TBRG4: variants seen among roughly 807,000 people sequenced by gnomAD.
TBRG4 encodes the protein transforming growth factor beta regulator 4, also known as FAST kinase domain-containing protein 4.
In TBRG4, 43 loss-of-function variants were observed where a neutral mutation model predicts 65.6. That is an observed-to-expected ratio of 0.66 (90% CI 0.51 to 0.85). TBRG4 has a LOEUF of 0.85. Among genes scored for constraint, TBRG4 ranks in the 40% least tolerant of loss-of-function variants. The probability of loss-of-function intolerance (pLI) is 0.00; values close to 1 mark genes in which losing one functional copy is unlikely to be tolerated. For missense variants in TBRG4, 709 were observed against 787.9 expected, an observed-to-expected ratio of 0.90 and a Z score of 1.20; for synonymous variants, 366 against 341.4, an observed-to-expected ratio of 1.07 and a Z score of -0.79.
At position 45,109,254 on chromosome 7, in the gene TBRG4, GAGAGACA is replaced by G; in HGVS notation, c.-24_-18del. 1 of 1,558,298 alleles carries G rather than the reference GAGAGACA, an allele frequency of 6.4e-7. No individual in the cohort carries two copies. Among genetic ancestry groups the G allele is most frequent in the Non-Finnish European group, 8.7e-7 (1 of 1,154,046 alleles). ...AGCTGCCATGATGTCCTGGGTGGCA[GAGAGACA>G]AGACTCCTAGCAAGTGATTCCAAAC... On this transcript the variant is annotated 5_prime_UTR_variant, in exon 2 of 11. Transcript: ENST00000258770.
At chr7:45,110,875 C>G (rs1262595090) in intron 1 of TBRG4, 2 of 151,908 alleles carry the variant, frequency 1.3e-5, no homozygotes, top group Non-Finnish European at 2.9e-5. Flanking sequence ...TAGTCTAACT[C>G]CACTTAAAGA....
chr7:45,100,290 G>C lies in TBRG4; in HGVS notation c.*35C>G, dbSNP rs1480310856. ...TTGGCCGCCCACAGCTAGACCTCCG[G>C]CGGAGAGGCACGCAGTCCATGCTGC... On this transcript the variant is annotated 3_prime_UTR_variant, in exon 11 of 11. Transcript: ENST00000258770. 2.5e-6 allele frequency: 4 copies of C among 1,587,292 alleles called. No individual in the cohort carries two copies. Among genetic ancestry groups the C allele is most frequent in the Non-Finnish European group, 3.5e-6 (4 of 1,158,288 alleles).
At chr7:45,103,761 T>C (rs1784845106) in intron 5 of TBRG4, 1 of 514,802 alleles carries the variant, frequency 1.9e-6, no homozygotes, top group Non-Finnish European at 3.5e-6. Context: ...GGTGTCATCT[T>C]TCTGTACAGT....
rs772794358 is a variant in TBRG4 at position 45,109,097 on chromosome 7, A to T, written c.141T>A (p.Ile47=). Reference sequence around the variant, plus strand: ...CCATCAAGGAACCTGGGAGGTGGGAAATGGGTGAGGTGGCTGAGGAAGTCA... The same window carrying T: ...CCATCAAGGAACCTGGGAGGTGGGATATGGGTGAGGTGGCTGAGGAAGTCA... The part of the protein sequence containing the change: ...KTLTSSATSP[I]SHLPGSLMEP... Residue 47 remains isoleucine (I), a synonymous_variant, in exon 2 of 11, where the codon ATT becomes ATA. Coordinates refer to ENST00000258770, the MANE Select transcript of TBRG4 (RefSeq NM_004749.4). 1 of 1,614,136 alleles carries T rather than the reference A, an allele frequency of 6.2e-7. No homozygotes were observed. The highest frequency in any genetic ancestry group is 1.1e-5 in the South Asian group (1 of 91,082).
At chr7:45,109,355 G>C (rs1231527647) in intron 1 of TBRG4, 68 bp from the exon 2 acceptor site, 2 of 1,310,966 alleles carry the variant, frequency 1.5e-6, no homozygotes, top group Non-Finnish European at 2.0e-6. Flanking sequence ...CTTGAGAAAT[G>C]AAATAGTCAA....
At chr7:45,100,743 G>A (rs1444457849) in intron 10 of TBRG4, among the ~76,000 whole-genome samples, 1 of 152,236 alleles carries the variant, frequency 6.6e-6, no homozygotes, top group Non-Finnish European at 1.5e-5. Context: ...GAACCCTTGT[G>A]TGGCTCATGA....
rs183316530 is a variant in TBRG4 at position 45,110,064 on chromosome 7, T to G, written c.-50-777A>C. On this transcript the variant is annotated intron_variant, in intron 1 of 10. Transcript: ENST00000258770. Reference sequence around the variant, plus strand: ...AGGTGTGAGCCTCTCGAAACCAAGGTAGATTACATCACTAGCCTACTAAAA... The same window carrying G: ...AGGTGTGAGCCTCTCGAAACCAAGGGAGATTACATCACTAGCCTACTAAAA... 8.6e-4 allele frequency among the ~76,000 whole-genome samples: 130 copies of G among 151,626 alleles called. 1 individual carries two copies. In the Middle Eastern group the frequency reaches 0.014, roughly 16 times the overall value.
chr7:45,102,627 G>A, intron 6 of TBRG4, 136 bp from the exon 7 acceptor site: 1 of 1,232,956 alleles, frequency 8.1e-7, no homozygotes, highest in Non-Finnish European at 1.1e-6. Flanking sequence ...GTAACAAGAG[G>A]CAGAACCCTG....
At chr7:45,103,596 A>G in intron 5 of TBRG4, 153 bp from the exon 6 acceptor site, 1 of 637,978 alleles carries the variant, frequency 1.6e-6, no homozygotes, top group Non-Finnish European at 2.8e-6. Context: ...GGGAACAGAG[A>G]AGGACTTACA....
Position 45,105,693 on chromosome 7 carries a change from G to A in TBRG4, c.483C>T (p.Ala161=). The A allele has an allele frequency of 2.5e-6, 4 of 1,614,058 alleles. No homozygotes were observed. Among genetic ancestry groups the A allele is most frequent in the Non-Finnish European group, 3.4e-6 (4 of 1,180,036 alleles). Residue 161 remains alanine, a synonymous_variant, in exon 3 of 11, where the codon GCC becomes GCT. Coordinates refer to ENST00000258770, the MANE Select transcript of TBRG4 (RefSeq NM_004749.4). The part of the protein sequence containing the change: ...GSLYALGIPK[A]SKELQSVEQE... Reference sequence around the variant, plus strand: ...GCTCCACCGACTGCAGCTCCTTGGAGGCCTTGGGGATGCCCAGAGCATACA... The same window carrying A: ...GCTCCACCGACTGCAGCTCCTTGGAAGCCTTGGGGATGCCCAGAGCATACA...
rs533745624 is a variant in TBRG4 at position 45,103,571 on chromosome 7, C to A, written c.1066-128G>T. On this transcript the variant is annotated intron_variant, in intron 5 of 10. Coordinates refer to ENST00000258770, the MANE Select transcript of TBRG4 (RefSeq NM_004749.4). The stretch of plus-strand genomic sequence containing the variant: ...CAATGGCAGGACCCTCCATCCAGGG[C>A]CCATGAGCTGTGTCGGGAACAGAGA... 5.9e-5 allele frequency: 42 copies of A among 712,416 alleles called. No homozygotes were observed. In the African/African-American group the frequency reaches 7.1e-4, roughly 12 times the overall value. The allele number at this position is 712,416 out of a possible 1,614,324, so 44.1% of individuals were successfully genotyped here.
chr7:45,111,439 C>T (rs897132300), intron 1 of TBRG4: 2 of 443,884 alleles, frequency 4.5e-6, no homozygotes, highest in African/African-American at 2.1e-5. Flanking sequence ...CGGCGTCTTC[C>T]AGGCCTGGCC....
chr7:45,103,230 C>T (rs954490148), intron 6 of TBRG4, 103 bp downstream of exon 6: 1 of 940,260 alleles, frequency 1.1e-6, no homozygotes, highest in Admixed American at 2.0e-5. Flanking sequence ...ATAGTGGCCC[C>T]TCCCGCCTCC....
Position 45,101,944 on chromosome 7 carries a change from G to A in TBRG4, c.1448C>T (p.Ser483Leu), listed in dbSNP as rs767455671. 3 of 1,606,142 alleles carry A rather than the reference G, an allele frequency of 1.9e-6. No homozygotes were observed. The highest frequency in any genetic ancestry group is 3.4e-5 in the Admixed American group (2 of 58,212). Residue 483 changes from serine (S) to leucine (L), a missense_variant, in exon 8 of 11, where the codon TCA becomes TTA. Transcript: ENST00000258770. ...GGGGGTCACCTTCCTGTCAAGGGCTGAGGGCCCAGGGGCCACAGCCGAGGC... is the reference window on the plus strand; with the variant it reads ...GGGGGTCACCTTCCTGTCAAGGGCTAAGGGCCCAGGGGCCACAGCCGAGGC... ...LPASAVAPGP[S>L]ALDRKVTPLQ...
Position 45,104,113 on chromosome 7 carries a change from C to T in TBRG4, c.1051G>A (p.Glu351Lys), listed in dbSNP as rs775126032. 1.6e-5 allele frequency: 26 copies of T among 1,608,366 alleles called. No individual in the cohort carries two copies. The highest frequency in any genetic ancestry group is 2.1e-5 in the Non-Finnish European group (25 of 1,177,430). The change falls in exon 5 of 11, where the codon GAG becomes AAG. Residue 351 changes from glutamate (E) to lysine (K), a missense_variant. Glu to Lys is a moderately conservative substitution (Grantham distance 56). Coordinates refer to ENST00000258770, the MANE Select transcript of TBRG4 (RefSeq NM_004749.4). ...LLKWLSLPLF[E>K]AFAQHVLNRA... is the part of the protein sequence containing the mutation. ...CCCTGGCTCACCTGGGCAAAGGCCTCAAACAGGGGCAGGCTGAGCCACTTG... is the reference window on the plus strand; with the variant it reads ...CCCTGGCTCACCTGGGCAAAGGCCTTAAACAGGGGCAGGCTGAGCCACTTG...
At position 45,101,858 on chromosome 7, in the gene TBRG4, G is replaced by A; in HGVS notation, c.1534C>T (p.Leu512Phe). ...GLLGSADKGS[L>F]EVATQYGWVL... ...CAGCCATACTGCGTGGCCACCTCGA[G>A]GCTGCCCTTGTCGGCGCTCCCCAGC... Residue 512 changes from leucine (L) to phenylalanine (F), a missense_variant, in exon 8 of 11, where the codon CTC (leucine) becomes TTC (phenylalanine). Physicochemically the swap from Leu to Phe is conservative, Grantham distance 22. Coordinates refer to ENST00000258770, the MANE Select transcript of TBRG4 (RefSeq NM_004749.4). The A allele has an allele frequency of 6.2e-7, 1 of 1,608,698 alleles. No individual in the cohort carries two copies. The highest frequency in any genetic ancestry group is 8.5e-7 in the Non-Finnish European group (1 of 1,179,472).
chr7:45,102,982 G>T lies in TBRG4; in HGVS notation c.1176+351C>A, dbSNP rs145712626. On this transcript the variant is annotated intron_variant, in intron 6 of 10. Transcript: ENST00000258770. ...GATCACACCTGGCCTGCTGGCCTCT[G>T]TGGCTGTCCTAAGGTCTTCATAAAG... The T allele has an allele frequency of 1.3e-3, 468 of 361,238 alleles. 5 individuals carry two copies. Among genetic ancestry groups the T allele is most frequent in the African/African-American group, 9.2e-3 (445 of 48,462 alleles). The allele number at this position is 361,238 out of a possible 1,614,324, so 22.4% of individuals were successfully genotyped here.
intron 2 of TBRG4, chr7:45,106,063 CAT>C (rs756261809): frequency 1.6e-6 from 1 of 632,818 alleles, no homozygotes; most frequent in Admixed American, 1.8e-5. Context: ...CAGTGCCTAC[CAT>C]AGACAGGGCA....
chr7:45,109,419 G>A, intron 1 of TBRG4, 132 bp from the exon 2 acceptor site: 1 of 722,530 alleles, frequency 1.4e-6, no homozygotes, highest in East Asian at 3.1e-5. Flanking sequence ...CCATAGGTAT[G>A]TGATAGTATT....
Sources: allele counts gnomAD v4.1 joint callset (sites outside exome capture counted in the v4.1 genomes callset), GRCh38; gene constraint gnomAD v4.1.1; transcripts MANE v1.5; gene names NCBI Gene and HGNC (gene_info 2026-07-23, HGNC 2026-07-21).